Variants in SHISA9 observed in about 807,000 individuals in gnomAD.
The protein encoded by SHISA9 is shisa family member 9, also known as protein shisa-9.
In SHISA9, 13 loss-of-function variants were observed where a neutral mutation model predicts 38.0. The observed-to-expected ratio is 0.34, with a 90% confidence interval of 0.22 to 0.54. The LOEUF (loss-of-function observed/expected upper bound fraction) is 0.54, where lower values mean the gene tolerates loss of function less well. SHISA9 is among the 20% of genes least tolerant of loss of function. The pLI is 0.91. For missense variants in SHISA9, 538 were observed against 575.8 expected (o/e 0.93, Z 0.67); for synonymous variants, 275 against 242.0 (o/e 1.14, Z -1.27).
At chr16:13,040,960 C>A (rs1225477433) in intron 2 of SHISA9, among the ~76,000 whole-genome samples, 1 of 152,166 alleles carries the variant, frequency 6.6e-6, no homozygotes, top group African/African-American at 2.4e-5. Context: ...AAGTGACCCC[C>A]AACCTGGAAA....
At chr16:13,449,576 A>G in the SHISA9 span, among the ~76,000 whole-genome samples, 8 of 152,294 alleles carry the variant, frequency 5.3e-5, no homozygotes, top group Non-Finnish European at 1.2e-4. Flanking sequence ...TGTACCATCA[A>G]TGTGTGTGTA....
At chr16:13,373,951 A>G in the SHISA9 span, among the ~76,000 whole-genome samples, 4 of 152,046 alleles carry the variant, frequency 2.6e-5, no homozygotes, top group Non-Finnish European at 5.9e-5. Flanking sequence ...TTGGGCATTA[A>G]CCCCTGGACA....
the SHISA9 span, among the ~76,000 whole-genome samples, chr16:13,337,874 G>A: frequency 0.03 from 4,583 of 152,126 alleles, 100 homozygotes; most frequent in Middle Eastern, 0.061. Context: ...GTAAAGATGT[G>A]CCTGCTTCCC....
the SHISA9 span, among the ~76,000 whole-genome samples, chr16:13,558,420 A>T: frequency 6.6e-6 from 1 of 152,196 alleles, no homozygotes; most frequent in Admixed American, 6.5e-5. Context: ...ACCAACTCCC[A>T]ATTAGCCAAT....
chr16:13,224,446 C>G (rs1353445163), intron 4 of SHISA9, among the ~76,000 whole-genome samples: 1 of 152,236 alleles, frequency 6.6e-6, no homozygotes, highest in Non-Finnish European at 1.5e-5. Flanking sequence ...GTGATACAGA[C>G]TGAATGACCA....
chr16:13,291,838 A>G, the SHISA9 span, among the ~76,000 whole-genome samples: 1 of 152,164 alleles, frequency 6.6e-6, no homozygotes, highest in Non-Finnish European at 1.5e-5. Context: ...CACTTGTGGT[A>G]GGCAAACTGC....
chr16:13,114,604 A>T (rs1217560613), intron 2 of SHISA9, among the ~76,000 whole-genome samples: 1 of 152,140 alleles, frequency 6.6e-6, no homozygotes, highest in Non-Finnish European at 1.5e-5. Flanking sequence ...TTGCTTTAAC[A>T]TAAGAATGAA....
At chr16:13,518,122 G>A in the SHISA9 span, among the ~76,000 whole-genome samples, 1 of 152,080 alleles carries the variant, frequency 6.6e-6, no homozygotes, top group Non-Finnish European at 1.5e-5. Flanking sequence ...ATATCCCTCT[G>A]ACGCTGACCA....
At chr16:13,016,955 A>C (rs758495981) in intron 2 of SHISA9, among the ~76,000 whole-genome samples, 1 of 151,970 alleles carries the variant, frequency 6.6e-6, no homozygotes, top group Non-Finnish European at 1.5e-5. Flanking sequence ...GTGAATGTGT[A>C]CATGTATGCT....
At chr16:12,917,037 A>C (rs2071267979) in intron 2 of SHISA9, among the ~76,000 whole-genome samples, 1 of 152,186 alleles carries the variant, frequency 6.6e-6, no homozygotes. Flanking sequence ...GTTTCACATG[A>C]TTGATACTTT....
chr16:12,926,875 T>C (rs1320047622), intron 2 of SHISA9, among the ~76,000 whole-genome samples: 1 of 152,214 alleles, frequency 6.6e-6, no homozygotes, highest in African/African-American at 2.4e-5. Flanking sequence ...ACTATAGATC[T>C]TTCTTGCAGG....
chr16:13,003,436 C>T (rs560382835), intron 2 of SHISA9, among the ~76,000 whole-genome samples: 1 of 152,306 alleles, frequency 6.6e-6, no homozygotes, highest in East Asian at 1.9e-4. Context: ...TCAAATGCTG[C>T]TGTATTTCCA....
chr16:13,425,967 T>G, the SHISA9 span, among the ~76,000 whole-genome samples: 3 of 152,320 alleles, frequency 2.0e-5, no homozygotes, highest in African/African-American at 7.2e-5. Context: ...ACTTGTGCTT[T>G]GCTTCCTATC....
At chr16:13,205,985 G>C (rs1021127480) in intron 3 of SHISA9, among the ~76,000 whole-genome samples, 2 of 149,602 alleles carry the variant, frequency 1.3e-5, no homozygotes, top group Non-Finnish European at 3.0e-5. Context: ...AGCTGGTCTC[G>C]AACTCCTGAC....
intron 2 of SHISA9, among the ~76,000 whole-genome samples, chr16:13,144,209 G>C (rs2050427576): frequency 6.6e-6 from 1 of 150,602 alleles, no homozygotes; most frequent in Non-Finnish European, 1.5e-5. Flanking sequence ...CTGGAGTGCA[G>C]TGGTGAGATC....
At chr16:13,478,475 G>T in the SHISA9 span, among the ~76,000 whole-genome samples, 1 of 152,186 alleles carries the variant, frequency 6.6e-6, no homozygotes, top group East Asian at 1.9e-4. Flanking sequence ...ACTCCTCTGG[G>T]CCAGACTTGA....
intron 2 of SHISA9, among the ~76,000 whole-genome samples, chr16:13,121,779 A>G (rs1239651379): frequency 1.3e-5 from 2 of 151,074 alleles, no homozygotes; most frequent in African/African-American, 2.4e-5. Context: ...TCTTTTTACA[A>G]TGAACACTAT....
chr16:13,314,185 T>C, the SHISA9 span, among the ~76,000 whole-genome samples: 1 of 150,700 alleles, frequency 6.6e-6, no homozygotes, highest in Non-Finnish European at 1.5e-5. Flanking sequence ...CAACTCCTTA[T>C]TCTTTCATTT....
chr16:13,199,880 A>G (rs2050987563), intron 2 of SHISA9, among the ~76,000 whole-genome samples: 1 of 152,122 alleles, frequency 6.6e-6, no homozygotes, highest in Non-Finnish European at 1.5e-5. Flanking sequence ...CTGGGCACAT[A>G]CTCACCTGCT....
Sources: allele counts gnomAD v4.1 joint callset (sites outside exome capture counted in the v4.1 genomes callset), GRCh38; gene constraint gnomAD v4.1.1; transcripts MANE v1.5; gene names NCBI Gene and HGNC (gene_info 2026-07-23, HGNC 2026-07-21).